BLTP1: variants seen among roughly 807,000 people sequenced by gnomAD.
BLTP1 encodes the protein bridge-like lipid transfer protein family member 1.
chr4:122,290,892 A>G, the BLTP1 span: 3 of 170,332 alleles, frequency 1.8e-5, no homozygotes, highest in Non-Finnish European at 3.4e-5. Context: ...AATATATATT[A>G]TATATAATAT....
the BLTP1 span, chr4:122,245,983 C>A: frequency 6.2e-6 from 2 of 325,038 alleles, no homozygotes; most frequent in Non-Finnish European, 8.8e-6. Flanking sequence ...TGCTACCAGT[C>A]TTTTTCCTAG....
chr4:122,233,336 TATATC>T, the BLTP1 span, among the ~76,000 whole-genome samples: 2 of 152,222 alleles, frequency 1.3e-5, no homozygotes, highest in Admixed American at 1.3e-4. Context: ...TTTAATTAGA[TATATC>T]ATACCATCAT....
At chr4:122,326,012 C>G in the BLTP1 span, 1 of 328,162 alleles carries the variant, frequency 3.0e-6, no homozygotes, top group South Asian at 2.9e-5. Context: ...TCAAACTTAA[C>G]TTAGACCTCA....
chr4:122,295,058 G>T, the BLTP1 span, among the ~76,000 whole-genome samples: 2 of 152,010 alleles, frequency 1.3e-5, no homozygotes, highest in African/African-American at 4.8e-5. Flanking sequence ...AGGCAGAAAA[G>T]AATAGAGAAA....
At chr4:122,288,927 T>TA in the BLTP1 span, 1 of 452,218 alleles carries the variant, frequency 2.2e-6, no homozygotes, top group Non-Finnish European at 2.9e-6. Context: ...GCCAGTAACG[T>TA]ATTAGGAACG....
chr4:122,220,963 G>C, the BLTP1 span: 1 of 356,000 alleles, frequency 2.8e-6, no homozygotes, highest in Admixed American at 6.4e-5. Context: ...TATTCATCAA[G>C]TGAGAATTTG....
the BLTP1 span, chr4:122,331,216 A>C: frequency 6.9e-7 from 1 of 1,438,876 alleles, no homozygotes; most frequent in South Asian, 1.5e-5. Context: ...GAATTTACAA[A>C]ATAGTAAAAT....
the BLTP1 span, among the ~76,000 whole-genome samples, chr4:122,335,737 C>T: frequency 6.6e-6 from 1 of 152,078 alleles, no homozygotes; most frequent in African/African-American, 2.4e-5. Flanking sequence ...TTTACTCATT[C>T]TCCTGAAGCA....
At chr4:122,267,010 G>GT in the BLTP1 span, 1 of 523,140 alleles carries the variant, frequency 1.9e-6, no homozygotes, top group Non-Finnish European at 2.9e-6. Context: ...TAATACGTTT[G>GT]TTTTTTAACG....
At chr4:122,286,898 GT>G in the BLTP1 span, 1 of 907,784 alleles carries the variant, frequency 1.1e-6, no homozygotes, top group Non-Finnish European at 1.6e-6. Flanking sequence ...AAAATAATTT[GT>G]TTTCACAGAA....
At chr4:122,333,500 T>G in the BLTP1 span, 1 of 888,528 alleles carries the variant, frequency 1.1e-6, no homozygotes, top group South Asian at 2.1e-5. Context: ...CTTGTAAATT[T>G]GTTTGAGTTC....
the BLTP1 span, chr4:122,203,883 A>T: frequency 2.2e-6 from 1 of 460,638 alleles, no homozygotes; most frequent in Non-Finnish European, 2.9e-6. Context: ...TTAAAATAGA[A>T]TTTGGCTAAT....
At chr4:122,291,455 A>AT in the BLTP1 span, among the ~76,000 whole-genome samples, 1 of 152,104 alleles carries the variant, frequency 6.6e-6, no homozygotes, top group Non-Finnish European at 1.5e-5. Flanking sequence ...TATTTTCCTA[A>AT]TTTTTTCTTA....
the BLTP1 span, among the ~76,000 whole-genome samples, chr4:122,278,445 T>C: frequency 2.6e-5 from 4 of 152,210 alleles, no homozygotes; most frequent in Non-Finnish European, 4.4e-5. Flanking sequence ...GAATTGCTCT[T>C]GTTTGACAAG....
the BLTP1 span, among the ~76,000 whole-genome samples, chr4:122,323,341 A>T: frequency 7.9e-5 from 12 of 152,128 alleles, no homozygotes; most frequent in Non-Finnish European, 1.5e-4. Context: ...GTGACTTCCA[A>T]ACTCCTTACA....
chr4:122,355,685 T>C, the BLTP1 span: 11 of 1,120,056 alleles, frequency 9.8e-6, no homozygotes, highest in Non-Finnish European at 1.3e-5. Context: ...ATGTGATTCT[T>C]TCCAACTTTG....
the BLTP1 span, among the ~76,000 whole-genome samples, chr4:122,156,252 A>G: frequency 6.6e-6 from 1 of 152,348 alleles, no homozygotes; most frequent in Non-Finnish European, 1.5e-5. Flanking sequence ...CAATTTAAAG[A>G]TGATAGTTAA....
At chr4:122,200,302 A>G in the BLTP1 span, 3 of 983,506 alleles carry the variant, frequency 3.1e-6, no homozygotes, top group Non-Finnish European at 3.6e-6. Flanking sequence ...ACTGCGCAGG[A>G]TGTGGTGACT....
chr4:122,240,270 T>G, the BLTP1 span: 1 of 1,614,098 alleles, frequency 6.2e-7, no homozygotes, highest in Non-Finnish European at 8.5e-7. Context: ...TAAATCCTCA[T>G]TGCATCGTCC....
Sources: gnomAD v4.1 joint callset for allele counts (sites outside exome capture counted in the v4.1 genomes callset) on GRCh38, gnomAD v4.1.1 for gene constraint, MANE v1.5 for transcripts, NCBI Gene and HGNC (gene_info 2026-07-23, HGNC 2026-07-21) for gene names.